The following PTGIS variants were observed in gnomAD, a reference collection of about 807,000 sequenced individuals.
PTGIS encodes prostaglandin I2 synthase.
In PTGIS, 45 loss-of-function variants were observed where a neutral mutation model predicts 50.3. That is an observed-to-expected ratio of 0.90 (90% CI 0.70 to 1.15). PTGIS has a LOEUF of 1.15. PTGIS is among the 50% of genes most tolerant of loss of function. PTGIS has a pLI of 0.00. For synonymous variants in PTGIS, 260 were observed against 267.7 expected, an observed-to-expected ratio of 0.97 and a Z score of 0.28; for missense variants, 668 against 661.3, an observed-to-expected ratio of 1.01 and a Z score of -0.11.
At chr20:49,509,491 C>A (rs531062537) in intron 9 of PTGIS, among the ~76,000 whole-genome samples, 1 of 152,340 alleles carries the variant, frequency 6.6e-6, no homozygotes, top group East Asian at 1.9e-4. Context: ...TCTGCTCTAA[C>A]ACTTGTTTTG....
chr20:49,521,084 C>G (rs1981641373), intron 6 of PTGIS, among the ~76,000 whole-genome samples: 1 of 152,226 alleles, frequency 6.6e-6, no homozygotes, highest in South Asian at 2.1e-4. Context: ...ATGGTAGGTG[C>G]TCTAAATATT....
intron 6 of PTGIS, among the ~76,000 whole-genome samples, chr20:49,520,939 A>G (rs772159850): frequency 6.6e-6 from 1 of 152,128 alleles, no homozygotes; most frequent in Non-Finnish European, 1.5e-5. Context: ...TAACTTCCCA[A>G]AGCACTGTGA....
chr20:49,509,520 A>G (rs1301371049), intron 9 of PTGIS, among the ~76,000 whole-genome samples: 1 of 152,238 alleles, frequency 6.6e-6, no homozygotes, highest in African/African-American at 2.4e-5. Flanking sequence ...AATTTGTTCC[A>G]ATAGGATTGA....
At chr20:49,565,995 C>T (rs556297797) in intron 1 of PTGIS, among the ~76,000 whole-genome samples, 2 of 152,240 alleles carry the variant, frequency 1.3e-5, no homozygotes, top group East Asian at 1.9e-4. Flanking sequence ...CTTGGGAGGC[C>T]GAGGCAGGCA....
rs1461064403 is a variant in PTGIS at position 49,511,068 on chromosome 20, G to T, written c.1318C>A (p.His440Asn). 6.2e-7 allele frequency: 1 copy of T among 1,614,062 alleles called. No individual in the cohort carries two copies. The highest frequency in any genetic ancestry group is 8.5e-7 in the Non-Finnish European group (1 of 1,179,998). ...ACCGCATAACTCCTCCCCAGGCAGT[G>T]ATTGTGCCCCGCCCCCCAGGGCATG... is the stretch of plus-strand genomic sequence containing the variant. ...YNMPWGAGHN[H>N]CLGRSYAVNS... Residue 440 changes from histidine to asparagine, a missense_variant, in exon 9 of 10, where the codon CAC becomes AAC. Coordinates refer to ENST00000244043, the MANE Select transcript of PTGIS (RefSeq NM_000961.4).
At chr20:49,545,454 C>A (rs1982333895) in intron 3 of PTGIS, among the ~76,000 whole-genome samples, 1 of 151,590 alleles carries the variant, frequency 6.6e-6, no homozygotes, top group Admixed American at 6.6e-5. Context: ...AAAGACATGA[C>A]CTCACATGAG....
At chr20:49,533,385 A>G (rs949824280) in intron 5 of PTGIS, among the ~76,000 whole-genome samples, 1 of 152,172 alleles carries the variant, frequency 6.6e-6, no homozygotes, top group African/African-American at 2.4e-5. Context: ...AGACAGAAGC[A>G]CTATGCTTAG....
chr20:49,547,185 T>C (rs1648783920), intron 3 of PTGIS, among the ~76,000 whole-genome samples: 1 of 152,166 alleles, frequency 6.6e-6, no homozygotes, highest in South Asian at 2.1e-4. Flanking sequence ...TGAGCCAAGA[T>C]TATGCCACTG....
In PTGIS at chr20:49,514,259, G is replaced by A; in HGVS notation, c.992C>T (p.Pro331Leu). Residue 331 changes from proline to leucine, a missense_variant, in exon 7 of 10, where the codon CCA (proline) becomes CTA (leucine). Transcript: ENST00000244043. Reference sequence around the variant, plus strand: ...AGGTGTGCTGTCTAGAACCTTCTGTGGGAGAGTGGTCGTCTGCGAGACAGG... The same window carrying A: ...AGGTGTGCTGTCTAGAACCTTCTGTAGGAGAGTGGTCGTCTGCGAGACAGG... ...EQPVSQTTTL[P>L]QKVLDSTPVL... 6.2e-7 allele frequency: 1 copy of A among 1,614,022 alleles called. No individual in the cohort carries two copies. The highest frequency in any genetic ancestry group is 1.3e-5 in the African/African-American group (1 of 75,042).
intron 5 of PTGIS, among the ~76,000 whole-genome samples, chr20:49,536,872 T>C (rs1318122376): frequency 6.6e-6 from 1 of 152,110 alleles, no homozygotes; most frequent in East Asian, 1.9e-4. Context: ...ATGAGATCGC[T>C]GAGGCACAGA....
intron 4 of PTGIS, among the ~76,000 whole-genome samples, chr20:49,541,264 G>A (rs1411421551): frequency 1.3e-5 from 2 of 151,840 alleles, no homozygotes; most frequent in Admixed American, 1.3e-4. Context: ...CTTTTAGACA[G>A]ACACGTGCTT....
intron 4 of PTGIS, among the ~76,000 whole-genome samples, chr20:49,541,823 G>A (rs989596193): frequency 3.3e-5 from 5 of 152,212 alleles, no homozygotes; most frequent in African/African-American, 4.8e-5. Context: ...TGGAAGCGAA[G>A]CCGGCAGCTC....
At chr20:49,517,142 C>CG (rs1218025076) in intron 6 of PTGIS, among the ~76,000 whole-genome samples, 6 of 152,306 alleles carry the variant, frequency 3.9e-5, no homozygotes, top group South Asian at 4.1e-4. Flanking sequence ...GAAAACAAGT[C>CG]GGGGGGGCCT....
At chr20:49,523,937 G>T in intron 6 of PTGIS, 121 bp downstream of exon 6, 1 of 1,235,590 alleles carries the variant, frequency 8.1e-7, no homozygotes, top group Non-Finnish European at 1.2e-6. Flanking sequence ...ACATACACAT[G>T]CACACACAGG....
chr20:49,562,837 A>T (rs1982809566), intron 1 of PTGIS, among the ~76,000 whole-genome samples: 1 of 152,112 alleles, frequency 6.6e-6, no homozygotes, highest in South Asian at 2.1e-4. Flanking sequence ...CAAGGATGGG[A>T]TGTCACCCGC....
intron 5 of PTGIS, among the ~76,000 whole-genome samples, chr20:49,532,661 T>A (rs904316843): frequency 3.9e-5 from 6 of 152,196 alleles, no homozygotes; most frequent in African/African-American, 1.4e-4. Flanking sequence ...AAGGAGAACA[T>A]GTTCATGAAT....
intron 4 of PTGIS, among the ~76,000 whole-genome samples, chr20:49,542,145 GGGA>G (rs1485098880): frequency 1.3e-5 from 2 of 152,222 alleles, no homozygotes; most frequent in Non-Finnish European, 2.9e-5. Context: ...AGAGGTAGGT[GGGA>G]GGAGGGGAGG....
chr20:49,567,960 G>A, intron 1 of PTGIS, 83 bp downstream of exon 1: 2 of 1,294,150 alleles, frequency 1.5e-6, no homozygotes, highest in Admixed American at 3.5e-5. Context: ...CGGGCCGGCC[G>A]CGGGCTCCGA....
rs6012687 is a variant in PTGIS, at chr20:49,539,741, G to T, written c.522-20C>A. The T allele has an allele frequency of 0.022, 35,273 of 1,605,270 alleles. 4,206 individuals carry two copies. In the African/African-American group the frequency reaches 0.33, roughly 15 times the overall value. ...CCGGCTCTGGGGGCGGCAGACAGAG[G>T]GTCAGGGGTCCTCCTGGGACACTCA... On this transcript the variant is annotated intron_variant, in intron 4 of 9. Coordinates refer to ENST00000244043, the MANE Select transcript of PTGIS (RefSeq NM_000961.4).
Sources: gnomAD v4.1 joint callset for allele counts (sites outside exome capture counted in the v4.1 genomes callset) on GRCh38, gnomAD v4.1.1 for gene constraint, MANE v1.5 for transcripts, NCBI Gene and HGNC (gene_info 2026-07-23, HGNC 2026-07-21) for gene names.